TRABD2B: variants seen among roughly 807,000 people sequenced by gnomAD.
The protein encoded by TRABD2B is metalloprotease TIKI2.
In TRABD2B, 14 loss-of-function variants were observed where a neutral mutation model predicts 40.1. That is an observed-to-expected ratio of 0.35 (90% CI 0.23 to 0.55). The LOEUF is 0.55. Ranked by LOEUF, TRABD2B falls within the 20% of genes least tolerant of loss-of-function variation. The probability of loss-of-function intolerance (pLI) is 0.90; values close to 1 mark genes in which losing one functional copy is unlikely to be tolerated. For synonymous variants in TRABD2B, 263 were observed against 277.0 expected (o/e 0.95, Z 0.50); for missense variants, 541 against 648.6 (o/e 0.83, Z 1.80).
chr1:47,808,044 CT>C (rs1462105907), intron 2 of TRABD2B, among the ~76,000 whole-genome samples: 6 of 152,174 alleles, frequency 3.9e-5, no homozygotes, highest in Non-Finnish European at 8.8e-5. Flanking sequence ...TGTGAAGGTA[CT>C]TTTTAGATGA....
At chr1:47,834,431 T>TGGGCCAA (rs1645290894) in intron 2 of TRABD2B, among the ~76,000 whole-genome samples, 4 of 152,182 alleles carry the variant, frequency 2.6e-5, no homozygotes, top group Admixed American at 2.6e-4. Context: ...TGCCCAGAGC[T>TGGGCCAA]ATGTACATGC....
intron 2 of TRABD2B, among the ~76,000 whole-genome samples, chr1:47,992,285 G>A (rs1443527710): frequency 6.6e-6 from 1 of 152,174 alleles, no homozygotes; most frequent in Non-Finnish European, 1.5e-5. Flanking sequence ...ATGGCTCTCA[G>A]TAACTTTTCC....
At chr1:47,868,605 G>C (rs887335442) in intron 2 of TRABD2B, among the ~76,000 whole-genome samples, 1 of 152,210 alleles carries the variant, frequency 6.6e-6, no homozygotes, top group Non-Finnish European at 1.5e-5. Flanking sequence ...GAGGGATCTA[G>C]GCTGCATGCT....
Position 47,794,637 on chromosome 1 carries a change from C to G in TRABD2B, c.937G>C (p.Ala313Pro). Residue 313 changes from alanine to proline, a missense_variant, in exon 4 of 7, where the codon GCG (alanine) becomes CCG (proline). This residue lies in a region of TRABD2B where 369 missense variants were observed against 492.8 expected (regional missense o/e 0.75). Coordinates refer to ENST00000606738, the MANE Select transcript of TRABD2B (RefSeq NM_001194986.2). ...TTGTCCTCGTTCTCCCGTAGAAGCG[C>G]CATGACCCTCTTCCCCATGCGCTCA... is the stretch of plus-strand genomic sequence containing the variant. ...RNERMGKRVM[A>P]LLRENEDKIC... 6.5e-7 allele frequency: 1 copy of G among 1,536,514 alleles called. No individual in the cohort carries two copies. Among genetic ancestry groups the G allele is most frequent in the Non-Finnish European group, 8.7e-7 (1 of 1,146,758 alleles).
chr1:47,801,695 C>T (rs1475739580), intron 2 of TRABD2B, 76 bp from the exon 3 acceptor site: 41 of 1,471,150 alleles, frequency 2.8e-5, no homozygotes, highest in Non-Finnish European at 3.3e-5. Context: ...ACCCTCCTCC[C>T]TCTGGACTTC....
rs1297001451 is a variant in TRABD2B at position 47,765,364 on chromosome 1, C to A, written c.*538G>T. On this transcript the variant is annotated 3_prime_UTR_variant, in exon 7 of 7. Coordinates refer to ENST00000606738, the MANE Select transcript of TRABD2B (RefSeq NM_001194986.2). Reference sequence around the variant, plus strand: ...CATTCTCTTTCCTAAATTATCTTCCCAGGCCGCGGGTGCATCCAGCAGAGG... The same window carrying A: ...CATTCTCTTTCCTAAATTATCTTCCAAGGCCGCGGGTGCATCCAGCAGAGG... 1 of 153,646 alleles carries A rather than the reference C, an allele frequency of 6.5e-6. No individual in the cohort carries two copies. Among genetic ancestry groups the A allele is most frequent in the Non-Finnish European group, 1.4e-5 (1 of 69,032 alleles). 9.5% of individuals were successfully genotyped at this position (153,646 alleles called of 1,614,324 possible).
intron 2 of TRABD2B, among the ~76,000 whole-genome samples, chr1:47,969,416 C>T (rs746979887): frequency 1.3e-5 from 2 of 152,206 alleles, no homozygotes; most frequent in Non-Finnish European, 2.9e-5. Flanking sequence ...ATGAGACCAC[C>T]ACTCACAAGG....
intron 2 of TRABD2B, among the ~76,000 whole-genome samples, chr1:47,963,694 C>T (rs1292655263): frequency 6.6e-6 from 1 of 152,230 alleles, no homozygotes; most frequent in Non-Finnish European, 1.5e-5. Flanking sequence ...TTTCCCAGTG[C>T]CTTGCTTGCA....
rs1019129915 is a variant in TRABD2B at position 47,938,679 on chromosome 1, G to C, written c.666+55355C>G. 5.9e-5 allele frequency among the ~76,000 whole-genome samples: 9 copies of C among 152,280 alleles called. No homozygotes were observed. The East Asian group carries it at 1.7e-3, about 29-fold the overall frequency. ...GAGATCTCCCACTTTCCTTTTACTG[G>C]AATCATGTGTCCCTGTCTAAAACGA... On this transcript the variant is annotated intron_variant, in intron 2 of 6. Coordinates refer to ENST00000606738, the MANE Select transcript of TRABD2B (RefSeq NM_001194986.2).
chr1:47,946,364 T>C (rs1351616016), intron 2 of TRABD2B, among the ~76,000 whole-genome samples: 1 of 152,230 alleles, frequency 6.6e-6, no homozygotes, highest in Non-Finnish European at 1.5e-5. Context: ...ATATATGATA[T>C]TGCTTGTAGG....
intron 6 of TRABD2B, among the ~76,000 whole-genome samples, chr1:47,767,658 G>A (rs1186995760): frequency 1.3e-5 from 2 of 152,252 alleles, no homozygotes; most frequent in African/African-American, 4.8e-5. Context: ...TAGCAGATGG[G>A]TGGGCAAGAA....
At chr1:47,871,326 T>C (rs1167142362) in intron 2 of TRABD2B, among the ~76,000 whole-genome samples, 2 of 152,162 alleles carry the variant, frequency 1.3e-5, no homozygotes, top group Non-Finnish European at 2.9e-5. Flanking sequence ...GATCCTCCCC[T>C]GCCCTCAATC....
chr1:47,957,543 T>C (rs1570365260), intron 2 of TRABD2B, among the ~76,000 whole-genome samples: 1 of 152,128 alleles, frequency 6.6e-6, no homozygotes, highest in South Asian at 2.1e-4. Context: ...CTGAAAACCA[T>C]GGCATGAGAA....
intron 2 of TRABD2B, among the ~76,000 whole-genome samples, chr1:47,852,145 T>C (rs755230875): frequency 6.6e-6 from 1 of 152,122 alleles, no homozygotes; most frequent in Non-Finnish European, 1.5e-5. Context: ...GCCACCGCCA[T>C]GGGCCCTGGG....
intron 2 of TRABD2B, among the ~76,000 whole-genome samples, chr1:47,884,689 C>T (rs921330428): frequency 2.7e-4 from 41 of 152,172 alleles, no homozygotes; most frequent in African/African-American, 9.4e-4. Flanking sequence ...TCTCGGCTCA[C>T]TGCAACCTCT....
At chr1:47,825,078 G>A (rs1645157933) in intron 2 of TRABD2B, among the ~76,000 whole-genome samples, 1 of 152,192 alleles carries the variant, frequency 6.6e-6, no homozygotes, top group Non-Finnish European at 1.5e-5. Context: ...TCACAGAGCG[G>A]GCTGTGGGAG....
intron 2 of TRABD2B, among the ~76,000 whole-genome samples, chr1:47,966,034 A>C (rs1338226089): frequency 6.6e-6 from 1 of 152,214 alleles, no homozygotes; most frequent in Non-Finnish European, 1.5e-5. Flanking sequence ...CATACATGTC[A>C]CTTGAAGAAC....
intron 2 of TRABD2B, among the ~76,000 whole-genome samples, chr1:47,877,836 T>C (rs1644246118): frequency 6.6e-6 from 1 of 151,522 alleles, no homozygotes; most frequent in Admixed American, 6.6e-5. Flanking sequence ...CTAATACAAA[T>C]AAAAAATTAG....
chr1:47,907,761 TCA>T (rs936729200), intron 2 of TRABD2B, among the ~76,000 whole-genome samples: 1 of 152,204 alleles, frequency 6.6e-6, no homozygotes, highest in African/African-American at 2.4e-5. Flanking sequence ...AGGAAAACCC[TCA>T]CAGTGTTTCC....
Sources: gnomAD v4.1 joint callset for allele counts (sites outside exome capture counted in the v4.1 genomes callset) on GRCh38, gnomAD v4.1.1 for gene constraint, gnomAD v4.1.1 regional missense constraint, MANE v1.5 for transcripts, NCBI Gene and HGNC (gene_info 2026-07-23, HGNC 2026-07-21) for gene names.